Variants in MGST3 observed in about 807,000 individuals in gnomAD.
The protein encoded by MGST3 is glutathione S-transferase 3, mitochondrial.
MGST3 carries 13 observed loss-of-function variants against 15.8 expected under a neutral mutation model. That is an observed-to-expected ratio of 0.82 (90% CI 0.54 to 1.31). The LOEUF is 1.31. Among genes scored for constraint, MGST3 ranks in the 50% most tolerant of loss-of-function variants. The pLI, the probability that MGST3 is intolerant of heterozygous loss-of-function variation, is 0.00. For missense variants in MGST3, 155 were observed against 192.4 expected, an observed-to-expected ratio of 0.81 and a Z score of 1.15; for synonymous variants, 49 against 68.1, an observed-to-expected ratio of 0.72 and a Z score of 1.38.
chr1:165,652,990 C>T (rs1379570080), intron 4 of MGST3, among the ~76,000 whole-genome samples: 1 of 152,182 alleles, frequency 6.6e-6, no homozygotes, highest in Non-Finnish European at 1.5e-5. Flanking sequence ...ACCAGAGTGG[C>T]CCTTCAGACT....
At chr1:165,651,787 C>G (rs1169721563) in intron 3 of MGST3, 191 bp from the exon 4 acceptor site, 3 of 523,386 alleles carry the variant, frequency 5.7e-6, no homozygotes, top group Non-Finnish European at 1.0e-5. Flanking sequence ...CCCAGCTACT[C>G]AGGAAGCTGA....
Position 165,642,418 on chromosome 1 carries a change from C to T in MGST3, c.-7-7423C>T, listed in dbSNP as rs9333437. On this transcript the variant is annotated intron_variant, in intron 1 of 5. Coordinates refer to ENST00000367889, the MANE Select transcript of MGST3 (RefSeq NM_004528.4). The stretch of plus-strand genomic sequence containing the variant: ...GCTGCTTCTGCCTTTCACATGATAG[C>T]ATATATTTTAACATGGCTGGCTGCT... Among the ~76,000 whole-genome samples the T allele has an allele frequency of 9.9e-3, 1,500 of 152,270 alleles. 52 individuals carry two copies. Among genetic ancestry groups the T allele is most frequent in the Admixed American group, 0.059 (905 of 15,296 alleles).
chr1:165,650,198 C>G (rs979538472), intron 2 of MGST3: 17 of 558,578 alleles, frequency 3.0e-5, no homozygotes, highest in Non-Finnish European at 5.1e-5. Flanking sequence ...GTAGAAAGAC[C>G]AGGAATGCTG....
intron 5 of MGST3, among the ~76,000 whole-genome samples, chr1:165,654,961 T>C (rs1648669327): frequency 6.6e-6 from 1 of 152,138 alleles, no homozygotes; most frequent in Non-Finnish European, 1.5e-5. Flanking sequence ...AAGCTGTAGG[T>C]CACAGAGCTA....
At chr1:165,631,545 C>T (rs1490480908) in intron 1 of MGST3, among the ~76,000 whole-genome samples, 1 of 152,186 alleles carries the variant, frequency 6.6e-6, no homozygotes, top group Non-Finnish European at 1.5e-5. Context: ...TTATGTGTAA[C>T]TCAGGAAAAT....
At chr1:165,634,582 T>G (rs977154106) in intron 1 of MGST3, among the ~76,000 whole-genome samples, 4 of 152,192 alleles carry the variant, frequency 2.6e-5, no homozygotes, top group African/African-American at 9.7e-5. Flanking sequence ...TCCAAGTCTC[T>G]GCTCTTGCTG....
chr1:165,651,626 G>A, intron 3 of MGST3: 1 of 320,120 alleles, frequency 3.1e-6, no homozygotes, highest in Non-Finnish European at 6.0e-6. Context: ...GTGCTGGCTG[G>A]GTGAGGTGGG....
At chr1:165,638,323 A>G (rs1056002749) in intron 1 of MGST3, among the ~76,000 whole-genome samples, 2 of 150,234 alleles carry the variant, frequency 1.3e-5, no homozygotes, top group Non-Finnish European at 3.0e-5. Flanking sequence ...TACTAAAAAT[A>G]CAAAAAATTA....
chr1:165,643,892 T>A (rs1648325943), intron 1 of MGST3, among the ~76,000 whole-genome samples: 1 of 151,448 alleles, frequency 6.6e-6, no homozygotes, highest in Admixed American at 6.6e-5. Flanking sequence ...AATAAAAAAA[T>A]TTTAAAAATA....
chr1:165,643,650 G>A (rs531821439), intron 1 of MGST3, among the ~76,000 whole-genome samples: 31 of 151,928 alleles, frequency 2.0e-4, no homozygotes, highest in African/African-American at 7.2e-4. Context: ...CGTATCAGTT[G>A]AGGCCAGGAG....
At chr1:165,638,793 T>TCAAAAAAAA (rs144430330) in intron 1 of MGST3, among the ~76,000 whole-genome samples, 20 of 144,480 alleles carry the variant, frequency 1.4e-4, no homozygotes, top group Admixed American at 8.3e-4. Flanking sequence ...AGACTCCGTC[T>TCAAAAAAAA]TAAAAAAAAA....
intron 1 of MGST3, among the ~76,000 whole-genome samples, chr1:165,641,732 A>G (rs1414326455): frequency 6.6e-6 from 1 of 152,226 alleles, no homozygotes; most frequent in Non-Finnish European, 1.5e-5. Context: ...TGCAGGGGCT[A>G]TGTATGAATA....
intron 4 of MGST3, chr1:165,654,055 T>C: frequency 1.9e-6 from 1 of 536,946 alleles, no homozygotes; most frequent in Admixed American, 2.8e-5. Context: ...AGAAGGCCAA[T>C]ACTCATCTCC....
At chr1:165,649,808 G>C in intron 1 of MGST3, 33 bp from the exon 2 acceptor site, 1 of 1,613,168 alleles carries the variant, frequency 6.2e-7, no homozygotes, top group Non-Finnish European at 8.5e-7. Context: ...CCACAGTGCT[G>C]GGGGCCGTCC....
Position 165,654,335 on chromosome 1 carries a change from T to TG in MGST3, c.308dup (p.Tyr104LeufsTer10), listed in dbSNP as rs1648648573. The TG allele has an allele frequency of 6.2e-7, 1 of 1,614,144 alleles. No individual in the cohort carries two copies. The highest frequency in any genetic ancestry group is 1.1e-5 in the South Asian group (1 of 91,082). The stretch of plus-strand genomic sequence containing the variant: ...TTGTTGGACGAGTTCTTTATGCTTA[T>TG]GGCTATTACACGGGAGGTTAGTATA... On this transcript the variant is annotated frameshift_variant, in exon 5 of 6. Transcript: ENST00000367889. LOFTEE classifies it high-confidence loss of function.
At chr1:165,650,518 C>A (rs945808662) in intron 2 of MGST3, 2 of 184,288 alleles carry the variant, frequency 1.1e-5, no homozygotes, top group Middle Eastern at 2.7e-3. Context: ...AATAATTAAA[C>A]TCCCTTACTA....
chr1:165,654,391 A>C, intron 5 of MGST3, 40 bp downstream of exon 5: 3 of 1,586,830 alleles, frequency 1.9e-6, no homozygotes, highest in South Asian at 2.2e-5. Flanking sequence ...ACAACTTTAA[A>C]ATTTTAAATC....
chr1:165,654,884 AC>A, intron 5 of MGST3, among the ~76,000 whole-genome samples: 1 of 152,194 alleles, frequency 6.6e-6, no homozygotes, highest in East Asian at 1.9e-4. Flanking sequence ...ATTTAACCTT[AC>A]AACAATTCTG....
chr1:165,651,234 T>C, intron 3 of MGST3, 147 bp downstream of exon 3: 1 of 723,314 alleles, frequency 1.4e-6, no homozygotes, highest in African/African-American at 1.7e-5. Flanking sequence ...AAAAATTATG[T>C]ATGTGAACAC....
Sources: gnomAD v4.1 joint callset for allele counts (sites outside exome capture counted in the v4.1 genomes callset) on GRCh38, gnomAD v4.1.1 for gene constraint, MANE v1.5 for transcripts, NCBI Gene and HGNC (gene_info 2026-07-23, HGNC 2026-07-21) for gene names.